SRGAP2: variants seen among roughly 807,000 people sequenced by gnomAD.
The protein encoded by SRGAP2 is SLIT-ROBO Rho GTPase activating protein 2.
In SRGAP2, 15 loss-of-function variants were observed where a neutral mutation model predicts 57.2. That is an observed-to-expected ratio of 0.26 (90% CI 0.18 to 0.40). SRGAP2 has a LOEUF of 0.40. Among genes scored for constraint, SRGAP2 ranks in the 10% least tolerant of loss-of-function variants. SRGAP2 has a pLI of 1.00. For synonymous variants in SRGAP2, 249 were observed against 248.0 expected (o/e 1.00, Z -0.04); for missense variants, 520 against 669.6 (o/e 0.78, Z 2.47).
At chr1:206,447,093 G>A (rs782676082) in intron 18 of SRGAP2, among the ~76,000 whole-genome samples, 4 of 152,074 alleles carry the variant, frequency 2.6e-5, no homozygotes, top group Admixed American at 2.0e-4. Context: ...CATGCCACCC[G>A]CCATGGTACC....
rs782364100 is a variant in SRGAP2, at chr1:206,446,165, C to T, written c.1965C>T (p.His655=). ...GPSLMSVPEG[H]DQVSCQAHVN... ...CGCTAATGTCAGTGCCAGAGGGCCA[C>T]GACCAGGTGTCCTGCCAAGCCCACG... The change falls in exon 18 of 23, where the codon CAC becomes CAT. Residue 655 remains histidine (H), a synonymous_variant. Transcript: ENST00000573034. 3.1e-5 allele frequency: 24 copies of T among 780,818 alleles called. No homozygotes were observed. Among genetic ancestry groups the T allele is most frequent in the African/African-American group, 1.0e-4 (6 of 59,136 alleles). 48.4% of individuals were successfully genotyped at this position (780,818 alleles called of 1,614,324 possible).
At chr1:206,240,137 G>A (rs1171582319) in intron 2 of SRGAP2, among the ~76,000 whole-genome samples, 2 of 152,008 alleles carry the variant, frequency 1.3e-5, no homozygotes, top group Non-Finnish European at 2.9e-5. Flanking sequence ...ATGGTGTTGG[G>A]CGCCTGTAAT....
intron 4 of SRGAP2, among the ~76,000 whole-genome samples, chr1:206,367,887 A>C (rs1654179881): frequency 6.6e-6 from 1 of 152,100 alleles, no homozygotes. Flanking sequence ...ACAGGGTAAT[A>C]AGAGCCTGAG....
At chr1:206,448,601 A>AGT (rs1662970775) in intron 18 of SRGAP2, among the ~76,000 whole-genome samples, 40 of 152,102 alleles carry the variant, frequency 2.6e-4, no homozygotes, top group Non-Finnish European at 1.3e-4. Context: ...CTCCACCCAG[A>AGT]CCCAGTGACA....
At chr1:206,302,558 T>G (rs1206646748) in intron 2 of SRGAP2, among the ~76,000 whole-genome samples, 1 of 152,108 alleles carries the variant, frequency 6.6e-6, no homozygotes, top group Non-Finnish European at 1.5e-5. Context: ...AAAAATCTCT[T>G]TCCAAGTCTT....
intron 11 of SRGAP2, among the ~76,000 whole-genome samples, chr1:206,418,888 CTGTGTGTGTG>C (rs1159940831): frequency 0.016 from 2,228 of 136,624 alleles, 55 homozygotes; most frequent in African/African-American, 0.055. Context: ...CCAACTCTCT[CTGTGTGTGTG>C]TGTGTGTGTG....
chr1:206,226,775 G>C (rs1553305587), intron 2 of SRGAP2, among the ~76,000 whole-genome samples: 1 of 152,186 alleles, frequency 6.6e-6, no homozygotes, highest in African/African-American at 2.4e-5. Flanking sequence ...TGAATCACCT[G>C]TTGCTTTCTG....
At chr1:206,207,616 A>G (rs1186053289) in intron 2 of SRGAP2, 1 of 149,500 alleles carries the variant, frequency 6.7e-6, no homozygotes, top group Admixed American at 6.6e-5. Context: ...TTTTAACCAG[A>G]TATGTCTTTT....
At chr1:206,409,605 A>C (rs1659004396) in intron 10 of SRGAP2, among the ~76,000 whole-genome samples, 1 of 151,978 alleles carries the variant, frequency 6.6e-6, no homozygotes, top group Non-Finnish European at 1.5e-5. Flanking sequence ...AACATGGTGA[A>C]ACCCTGTCTC....
At chr1:206,280,131 A>G (rs1468744466) in intron 2 of SRGAP2, among the ~76,000 whole-genome samples, 1 of 151,660 alleles carries the variant, frequency 6.6e-6, no homozygotes, top group Non-Finnish European at 1.5e-5. Flanking sequence ...TTTTCCTCTT[A>G]AGACAAGGTT....
At chr1:206,438,333 T>C (rs1572155680) in intron 16 of SRGAP2, among the ~76,000 whole-genome samples, 2 of 152,124 alleles carry the variant, frequency 1.3e-5, no homozygotes, top group South Asian at 2.1e-4. Context: ...TTTTTTTTTT[T>C]CTTCTGATTC....
At chr1:206,443,117 C>T (rs530512046) in intron 17 of SRGAP2, among the ~76,000 whole-genome samples, 1 of 152,300 alleles carries the variant, frequency 6.6e-6, no homozygotes, top group South Asian at 2.1e-4. Flanking sequence ...TTTCCCAACA[C>T]CAATCCTGGC....
intron 3 of SRGAP2, among the ~76,000 whole-genome samples, chr1:206,307,341 A>G (rs1219352154): frequency 1.7e-3 from 264 of 152,398 alleles, no homozygotes; most frequent in African/African-American, 6.2e-3. Flanking sequence ...TGAGCTACAT[A>G]TAAAGACTCT....
At chr1:206,433,136 A>G (rs1223929099) in intron 14 of SRGAP2, among the ~76,000 whole-genome samples, 2 of 152,220 alleles carry the variant, frequency 1.3e-5, no homozygotes, top group African/African-American at 4.8e-5. Flanking sequence ...AGAAGAAGAT[A>G]TAAGAATATC....
At chr1:206,440,420 G>A (rs1662172988) in intron 17 of SRGAP2, among the ~76,000 whole-genome samples, 1 of 152,188 alleles carries the variant, frequency 6.6e-6, no homozygotes, top group South Asian at 2.1e-4. Context: ...GGACAGCAGA[G>A]GCCTGCCTGA....
Position 206,303,410 on chromosome 1 carries a change from A to G in SRGAP2, c.197A>G (p.Asn66Ser), listed in dbSNP as rs1671986489. 3.9e-6 allele frequency: 6 copies of G among 1,546,876 alleles called. No homozygotes were observed. In the East Asian group the frequency reaches 1.5e-4, roughly 38 times the overall value. ...KAEIEMDYSRNLEKLAERFLA... is the reference protein window; with the variant it reads ...KAEIEMDYSRSLEKLAERFLA... Reference sequence around the variant, plus strand: ...GAGATTGAGATGGACTACTCCCGCAACCTGGAGAAGCTGGCAGAACGCTTC... The same window carrying G: ...GAGATTGAGATGGACTACTCCCGCAGCCTGGAGAAGCTGGCAGAACGCTTC... Residue 66 changes from asparagine to serine, a missense_variant, in exon 3 of 23, where the codon AAC becomes AGC. By Grantham distance (46) the Asn-to-Ser change is conservative. Around this residue, in one of 5 missense-constraint regions of SRGAP2, gnomAD observed 26 missense variants for 202.3 expected, o/e 0.13. Transcript: ENST00000573034.
intron 10 of SRGAP2, among the ~76,000 whole-genome samples, chr1:206,412,323 T>C (rs1659291354): frequency 6.6e-6 from 1 of 152,232 alleles, no homozygotes; most frequent in South Asian, 2.1e-4. Flanking sequence ...AATAGACTCT[T>C]TGCCTCCCTT....
chr1:206,206,187 C>T (rs1372303589), intron 2 of SRGAP2, 150 bp downstream of exon 2: 1 of 548,780 alleles, frequency 1.8e-6, no homozygotes, highest in African/African-American at 2.1e-5. Context: ...GGGTCTGAAC[C>T]TCCAAAGGAT....
intron 12 of SRGAP2, among the ~76,000 whole-genome samples, chr1:206,420,380 C>T (rs1276672279): frequency 6.6e-6 from 1 of 152,172 alleles, no homozygotes; most frequent in Non-Finnish European, 1.5e-5. Context: ...ACTGTAAGTT[C>T]ACCTGAGCTC....
Sources: allele counts gnomAD v4.1 joint callset (sites outside exome capture counted in the v4.1 genomes callset), GRCh38; gene constraint gnomAD v4.1.1; regional missense constraint gnomAD v4.1.1; transcripts MANE v1.5; gene names NCBI Gene and HGNC (gene_info 2026-07-23, HGNC 2026-07-21).